The following NR2C2 variants were observed in gnomAD, a reference collection of about 807,000 sequenced individuals.
The protein encoded by NR2C2 is nuclear receptor subfamily 2 group C member 2.
Under a neutral mutation model 62.9 loss-of-function variants are expected in NR2C2, and 6 were observed. The ratio of observed to expected loss-of-function variants is 0.10; its 90% CI spans 0.05 to 0.19. NR2C2 has a LOEUF of 0.19. Among genes scored for constraint, NR2C2 ranks in the 10% least tolerant of loss-of-function variants. NR2C2 has a pLI of 1.00. For missense variants in NR2C2, 479 were observed against 762.7 expected (o/e 0.63, Z 4.38); for synonymous variants, 272 against 273.8 (o/e 0.99, Z 0.07).
At chr3:15,016,571 A>T (rs565889233) in intron 4 of NR2C2, among the ~76,000 whole-genome samples, 1 of 152,334 alleles carries the variant, frequency 6.6e-6, no homozygotes, top group East Asian at 1.9e-4. Flanking sequence ...TGGCTATTTT[A>T]CAAGGTGTAT....
At chr3:14,979,240 T>C (rs1259400289) in intron 1 of NR2C2, among the ~76,000 whole-genome samples, 1 of 152,190 alleles carries the variant, frequency 6.6e-6, no homozygotes, top group East Asian at 1.9e-4. Flanking sequence ...TGCGTGAGTA[T>C]TTTCTGTACT....
At chr3:15,020,356 G>T (rs1210055120) in intron 4 of NR2C2, among the ~76,000 whole-genome samples, 1 of 152,240 alleles carries the variant, frequency 6.6e-6, no homozygotes, top group African/African-American at 2.4e-5. Context: ...CAGGACAGGG[G>T]CCCTGAGCCG....
rs76829382 is a variant in NR2C2 at position 14,991,080 on chromosome 3, G to A, written c.-39-12796G>A. ...TGACTTGGGATTTTTGTTTTTTTGT[G>A]ACAAGAAATTTAGCGCTAAGTTTTA... On this transcript the variant is annotated intron_variant, in intron 1 of 13. Coordinates refer to ENST00000425241, the MANE Select transcript of NR2C2 (RefSeq NM_001291694.2). Among the ~76,000 whole-genome samples, 401 of 152,146 alleles carry A rather than the reference G, an allele frequency of 2.6e-3. 2 individuals are homozygous for A. Among genetic ancestry groups the A allele is most frequent in the African/African-American group, 9.1e-3 (378 of 41,520 alleles).
intron 1 of NR2C2, among the ~76,000 whole-genome samples, chr3:14,964,489 A>T (rs2039780702): frequency 8.1e-6 from 1 of 123,728 alleles, no homozygotes; most frequent in African/African-American, 3.2e-5. Flanking sequence ...TGTGGACTTT[A>T]TTTTTTTTAT....
At chr3:14,975,404 G>A (rs1325173817) in intron 1 of NR2C2, among the ~76,000 whole-genome samples, 1 of 152,064 alleles carries the variant, frequency 6.6e-6, no homozygotes, top group Non-Finnish European at 1.5e-5. Context: ...TTCCTATTTT[G>A]TTACGTGTTT....
intron 1 of NR2C2, among the ~76,000 whole-genome samples, chr3:14,954,268 A>T (rs1287165192): frequency 6.6e-6 from 1 of 152,174 alleles, no homozygotes; most frequent in African/African-American, 2.4e-5. Context: ...ACAGATTTTT[A>T]AAAATAAAAT....
At position 15,010,353 on chromosome 3, in the gene NR2C2, TAAA is replaced by T. The variant is rs57560170; in HGVS notation, c.73-3226_73-3224del. 7.8e-5 allele frequency among the ~76,000 whole-genome samples: 11 copies of T among 140,772 alleles called. No homozygotes were observed. The South Asian group carries it at 2.3e-3, about 29-fold the overall frequency. 92.4% of individuals were successfully genotyped at this position (140,772 alleles called of 152,430 possible). On this transcript the variant is annotated intron_variant, in intron 2 of 13. Coordinates refer to ENST00000425241, the MANE Select transcript of NR2C2 (RefSeq NM_001291694.2). The stretch of plus-strand genomic sequence containing the variant: ...TACGGATGTCTTAGGAGGGTGAAGA[TAAA>T]AAAAAAAAACCCAAAATTATAAGTA...
At chr3:14,982,959 T>A (rs975443104) in intron 1 of NR2C2, among the ~76,000 whole-genome samples, 2 of 152,214 alleles carry the variant, frequency 1.3e-5, no homozygotes, top group Non-Finnish European at 2.9e-5. Flanking sequence ...TTTTTAAAAA[T>A]TTTTTTAATT....
rs918273785 is a variant in NR2C2 at position 15,039,996 on chromosome 3, T to A, written c.1616+769T>A. Among the ~76,000 whole-genome samples, 13 of 150,564 alleles carry A rather than the reference T, an allele frequency of 8.6e-5. 1 individual carries two copies. The highest frequency in any genetic ancestry group is 2.4e-4 in the African/African-American group (10 of 41,020). On this transcript the variant is annotated intron_variant, in intron 13 of 13. Transcript: ENST00000425241. ...AAACCCCGTCTCTACTAAAAATATT[T>A]AAAAAAAAATTAGCCAGGCACGGTG...
chr3:14,994,107 G>A (rs578221750), intron 1 of NR2C2, among the ~76,000 whole-genome samples: 9 of 152,268 alleles, frequency 5.9e-5, no homozygotes, highest in Non-Finnish European at 1.3e-4. Flanking sequence ...TAATGACATA[G>A]AAAACTTTCT....
rs552574660 is a variant in NR2C2, at chr3:14,955,471, G to A, written c.-40+7565G>A. 2.4e-4 allele frequency among the ~76,000 whole-genome samples: 37 copies of A among 151,218 alleles called. No homozygotes were observed. The South Asian group carries it at 7.3e-3, about 30-fold the overall frequency. On this transcript the variant is annotated intron_variant, in intron 1 of 13. Coordinates refer to ENST00000425241, the MANE Select transcript of NR2C2 (RefSeq NM_001291694.2). ...TTCTCTCCTTGACTTCCTTTTTTCT[G>A]GGAAATTATTTTGAAGGGCACTGTG... is the stretch of plus-strand genomic sequence containing the variant.
intron 1 of NR2C2, among the ~76,000 whole-genome samples, chr3:14,971,480 A>G (rs1280103012): frequency 6.6e-6 from 1 of 151,672 alleles, no homozygotes; most frequent in Non-Finnish European, 1.5e-5. Flanking sequence ...ACATAACCTC[A>G]TCATAAAGAG....
intron 1 of NR2C2, among the ~76,000 whole-genome samples, chr3:14,956,983 C>T (rs1412062996): frequency 6.6e-6 from 1 of 152,184 alleles, no homozygotes; most frequent in East Asian, 1.9e-4. Flanking sequence ...AAAGTGGCAC[C>T]ATCACCTTTC....
intron 2 of NR2C2, chr3:15,004,575 G>A (rs1175121709): frequency 6.2e-7 from 1 of 1,612,914 alleles, no homozygotes; most frequent in Admixed American, 1.7e-5. Context: ...ACCTGCCTCT[G>A]GCCCATTGAG....
chr3:15,032,238 C>T, intron 9 of NR2C2, 141 bp from the exon 10 acceptor site: 1 of 1,155,548 alleles, frequency 8.7e-7, no homozygotes, highest in Non-Finnish European at 1.3e-6. Context: ...CGTGCAAGCC[C>T]CCCGACTGCA....
At chr3:15,012,991 A>T (rs1007869138) in intron 2 of NR2C2, among the ~76,000 whole-genome samples, 3 of 152,120 alleles carry the variant, frequency 2.0e-5, no homozygotes, top group Admixed American at 1.3e-4. Context: ...TCTATGTGGC[A>T]GGCCTTGTGC....
intron 2 of NR2C2, among the ~76,000 whole-genome samples, chr3:15,012,976 G>A (rs868412640): frequency 6.6e-6 from 1 of 152,082 alleles, no homozygotes; most frequent in Non-Finnish European, 1.5e-5. Flanking sequence ...TTTTATTGTC[G>A]TCTCTCTATG....
intron 1 of NR2C2, among the ~76,000 whole-genome samples, chr3:14,963,076 G>C (rs2039734407): frequency 6.6e-6 from 1 of 152,198 alleles, no homozygotes; most frequent in Non-Finnish European, 1.5e-5. Flanking sequence ...CCAAGTAAGT[G>C]GGGTGGGGAA....
chr3:14,991,292 C>T (rs2040662980), intron 1 of NR2C2, among the ~76,000 whole-genome samples: 1 of 152,120 alleles, frequency 6.6e-6, no homozygotes, highest in Non-Finnish European at 1.5e-5. Context: ...GGTTCCAGTC[C>T]TTTGAGGACT....
Sources: allele counts gnomAD v4.1 joint callset (sites outside exome capture counted in the v4.1 genomes callset), GRCh38; gene constraint gnomAD v4.1.1; transcripts MANE v1.5; gene names NCBI Gene and HGNC (gene_info 2026-07-23, HGNC 2026-07-21).